TMEM132C: variants seen among roughly 807,000 people sequenced by gnomAD.
TMEM132C encodes the protein transmembrane protein 132C.
Under a neutral mutation model 61.4 loss-of-function variants are expected in TMEM132C, and 29 were observed. The observed-to-expected ratio is 0.47, with a 90% CI of 0.35 to 0.64. TMEM132C has a LOEUF of 0.64. Among genes scored for constraint, TMEM132C ranks in the 30% least tolerant of loss-of-function variants. The pLI is 0.00. For synonymous variants in TMEM132C, 656 were observed against 633.1 expected (o/e 1.04, Z -0.54); for missense variants, 1,408 against 1,476.9 (o/e 0.95, Z 0.76).
chr12:128,542,334 C>T (rs1237013258), intron 2 of TMEM132C, among the ~76,000 whole-genome samples: 3 of 152,098 alleles, frequency 2.0e-5, no homozygotes, highest in East Asian at 3.9e-4. Flanking sequence ...GAGTTGGAGC[C>T]TTGCTCTGTT....
chr12:128,491,417 A>G (rs1871714821), intron 2 of TMEM132C, among the ~76,000 whole-genome samples: 1 of 152,160 alleles, frequency 6.6e-6, no homozygotes, highest in Non-Finnish European at 1.5e-5. Flanking sequence ...CATACATCTC[A>G]GCAATGTCAG....
intron 4 of TMEM132C, among the ~76,000 whole-genome samples, chr12:128,625,361 C>T (rs542522010): frequency 2.6e-5 from 4 of 152,288 alleles, no homozygotes; most frequent in Admixed American, 1.3e-4. Flanking sequence ...TGTGTCCCCA[C>T]GTGGTGGAAT....
intron 1 of TMEM132C, among the ~76,000 whole-genome samples, chr12:128,410,452 G>C (rs1046108180): frequency 2.0e-5 from 3 of 152,112 alleles, no homozygotes; most frequent in Admixed American, 6.5e-5. Context: ...CTCCAGGCTA[G>C]AGTGCAGTGG....
chr12:128,575,848 A>G (rs1464616017), intron 3 of TMEM132C, among the ~76,000 whole-genome samples: 2 of 152,184 alleles, frequency 1.3e-5, no homozygotes, highest in Non-Finnish European at 2.9e-5. Context: ...CATTCATGAC[A>G]CTCAGTAGTC....
chr12:128,590,059 T>G (rs148192288), intron 3 of TMEM132C, among the ~76,000 whole-genome samples: 1 of 152,324 alleles, frequency 6.6e-6, no homozygotes, highest in African/African-American at 2.4e-5. Context: ...AAGAAATTAC[T>G]TCTCTGGGAT....
Position 128,689,829 on chromosome 12 carries a change from G to A in TMEM132C, c.1450-4000G>A, listed in dbSNP as rs11834898. Among the ~76,000 whole-genome samples the A allele has an allele frequency of 3.8e-3, 578 of 152,280 alleles. 5 individuals carry two copies. The highest frequency in any genetic ancestry group is 0.013 in the African/African-American group (521 of 41,554). On this transcript the variant is annotated intron_variant, in intron 5 of 8. Coordinates refer to ENST00000435159, the MANE Select transcript of TMEM132C (RefSeq NM_001136103.3). ...CCGCAGCCGCTGGTTACAAATGCCC[G>A]TGTGGGTCCCCACCCCAGACCTGCT...
chr12:128,514,442 T>G (rs577619281), intron 2 of TMEM132C, among the ~76,000 whole-genome samples: 4 of 152,270 alleles, frequency 2.6e-5, no homozygotes, highest in Admixed American at 2.6e-4. Flanking sequence ...GGCCAGATAC[T>G]GGACTTTCTT....
rs189552658 is a variant in TMEM132C, at chr12:128,578,303, C to T, written c.1121+34200C>T. On this transcript the variant is annotated intron_variant, in intron 3 of 8. Transcript: ENST00000435159. Reference sequence around the variant, plus strand: ...GCCTGGAAGCGAGGCAGGCTGCCGGCCCCACCTCCCACACTGGTCGCAGCC... The same window carrying T: ...GCCTGGAAGCGAGGCAGGCTGCCGGTCCCACCTCCCACACTGGTCGCAGCC... Among the ~76,000 whole-genome samples, 16 of 152,262 alleles carry T rather than the reference C, an allele frequency of 1.1e-4. No homozygotes were observed. In the East Asian group the frequency reaches 3.1e-3, roughly 29 times the overall value.
chr12:128,547,425 G>T (rs562829754), intron 3 of TMEM132C, among the ~76,000 whole-genome samples: 1 of 151,338 alleles, frequency 6.6e-6, no homozygotes, highest in South Asian at 2.1e-4. Flanking sequence ...TTAGCCGGGC[G>T]TGGTGGCGGG....
intron 1 of TMEM132C, among the ~76,000 whole-genome samples, chr12:128,332,608 C>T (rs1016668968): frequency 7.2e-5 from 11 of 152,248 alleles, no homozygotes; most frequent in African/African-American, 2.2e-4. Flanking sequence ...CCCTCACAGC[C>T]GTAGGCTCCT....
intron 2 of TMEM132C, among the ~76,000 whole-genome samples, chr12:128,428,030 G>A (rs1181734018): frequency 6.6e-6 from 1 of 152,138 alleles, no homozygotes; most frequent in Non-Finnish European, 1.5e-5. Flanking sequence ...TGGCTCCTCC[G>A]GGGGCTGCTG....
chr12:128,437,117 C>T (rs149994373), intron 2 of TMEM132C, among the ~76,000 whole-genome samples: 1,676 of 151,644 alleles, frequency 0.011, 20 homozygotes, highest in Admixed American at 0.02. Flanking sequence ...GGACACAGGG[C>T]GGGGAACATC....
intron 1 of TMEM132C, among the ~76,000 whole-genome samples, chr12:128,387,140 C>CAAAA (rs34160455): frequency 0.038 from 3,204 of 85,292 alleles, 108 homozygotes; most frequent in Non-Finnish European, 0.053. Flanking sequence ...GACTCTGCCT[C>CAAAA]AAAAAAAAAA....
At chr12:128,485,978 T>TA (rs1435997944) in intron 2 of TMEM132C, among the ~76,000 whole-genome samples, 1 of 152,168 alleles carries the variant, frequency 6.6e-6, no homozygotes, top group Non-Finnish European at 1.5e-5. Flanking sequence ...GTAGAGTCCA[T>TA]AAAAAATGGC....
chr12:128,380,142 G>T (rs1874354082), intron 1 of TMEM132C, among the ~76,000 whole-genome samples: 1 of 152,192 alleles, frequency 6.6e-6, no homozygotes, highest in Non-Finnish European at 1.5e-5. Context: ...AAAACAACAT[G>T]CACTCCTGTC....
chr12:128,342,493 A>T (rs531656574), intron 1 of TMEM132C, among the ~76,000 whole-genome samples: 1 of 152,334 alleles, frequency 6.6e-6, no homozygotes, highest in East Asian at 1.9e-4. Flanking sequence ...AGAAGAAAGG[A>T]GCTGAGACAT....
intron 2 of TMEM132C, among the ~76,000 whole-genome samples, chr12:128,494,136 A>G (rs1871853075): frequency 6.6e-6 from 1 of 152,154 alleles, no homozygotes; most frequent in Non-Finnish European, 1.5e-5. Context: ...GGTTCTGTTT[A>G]TATGCTGGAT....
At position 128,309,437 on chromosome 12, in the gene TMEM132C, A is replaced by G. The variant is rs570267081; in HGVS notation, c.85+41950A>G. On this transcript the variant is annotated intron_variant, in intron 1 of 8. Coordinates refer to ENST00000435159, the MANE Select transcript of TMEM132C (RefSeq NM_001136103.3). ...TGAAGTGTACAATTCAGTGGTATTC[A>G]GCGCATTCACAATGGTGTGCAACCA... 2.0e-5 allele frequency among the ~76,000 whole-genome samples: 3 copies of G among 152,304 alleles called. No homozygotes were observed. The East Asian group carries it at 5.8e-4, about 30-fold the overall frequency.
chr12:128,388,749 C>T (rs1282619814), intron 1 of TMEM132C, among the ~76,000 whole-genome samples: 4 of 152,262 alleles, frequency 2.6e-5, no homozygotes, highest in South Asian at 2.1e-4. Flanking sequence ...CAGCTGACGC[C>T]GGCTGGCTTC....
Sources: allele counts gnomAD v4.1 joint callset (sites outside exome capture counted in the v4.1 genomes callset), GRCh38; gene constraint gnomAD v4.1.1; transcripts MANE v1.5; gene names NCBI Gene and HGNC (gene_info 2026-07-23, HGNC 2026-07-21).